Variants in NAV3 observed in about 807,000 individuals in gnomAD.
NAV3 encodes the protein neuron navigator 3.
Under a neutral mutation model 244.7 loss-of-function variants are expected in NAV3, and 87 were observed. The observed-to-expected ratio is 0.36, with a 90% CI of 0.30 to 0.42. NAV3 has a LOEUF of 0.42. NAV3 is among the 20% of genes least tolerant of loss of function. The pLI, the probability that NAV3 is intolerant of heterozygous loss-of-function variation, is 1.00. For missense variants in NAV3, 2,663 were observed against 2,893.3 expected (o/e 0.92, Z 1.83); for synonymous variants, 1,126 against 1,042.2 (o/e 1.08, Z -1.55).
chr12:78,055,007 G>A (rs1485635972), intron 11 of NAV3, among the ~76,000 whole-genome samples: 2 of 152,030 alleles, frequency 1.3e-5, no homozygotes, highest in South Asian at 2.1e-4. Flanking sequence ...GGAAAGAACA[G>A]GGATCATAAA....
At chr12:77,816,767 T>C (rs1162352621) in intron 2 of NAV3, among the ~76,000 whole-genome samples, 1 of 148,086 alleles carries the variant, frequency 6.8e-6, no homozygotes, top group Non-Finnish European at 1.5e-5. Context: ...AAAAATCGTA[T>C]ATCAATATGC....
intron 2 of NAV3, among the ~76,000 whole-genome samples, chr12:77,632,635 C>T (rs954818056): frequency 8.5e-5 from 13 of 152,092 alleles, no homozygotes; most frequent in African/African-American, 2.4e-4. Flanking sequence ...GGGACACAGC[C>T]AAACCATATC....
At chr12:78,066,887 C>A (rs1405515275) in intron 12 of NAV3, among the ~76,000 whole-genome samples, 1 of 151,940 alleles carries the variant, frequency 6.6e-6, no homozygotes. Context: ...TTGAAGCAGG[C>A]CTAAGTTCAA....
chr12:78,039,699 A>G (rs1056675313), intron 9 of NAV3, among the ~76,000 whole-genome samples: 1 of 152,174 alleles, frequency 6.6e-6, no homozygotes, highest in African/African-American at 2.4e-5. Flanking sequence ...CCTAAAAATT[A>G]AGAGCAAGAT....
chr12:77,776,291 C>A (rs1435513823), intron 2 of NAV3, among the ~76,000 whole-genome samples: 1 of 151,938 alleles, frequency 6.6e-6, no homozygotes, highest in African/African-American at 2.4e-5. Context: ...AAGACAAGAC[C>A]ATATAAGATA....
chr12:77,648,322 G>C (rs1451834182), intron 2 of NAV3, among the ~76,000 whole-genome samples: 1 of 151,986 alleles, frequency 6.6e-6, no homozygotes, highest in East Asian at 1.9e-4. Flanking sequence ...CACACACACA[G>C]AGACACCCTT....
At chr12:78,015,932 G>T (rs1298223683) in intron 8 of NAV3, among the ~76,000 whole-genome samples, 1 of 152,016 alleles carries the variant, frequency 6.6e-6, no homozygotes, top group Non-Finnish European at 1.5e-5. Flanking sequence ...TGGACAAATA[G>T]ATTTCTACTG....
intron 2 of NAV3, among the ~76,000 whole-genome samples, chr12:77,806,146 T>A (rs2135985340): frequency 6.6e-6 from 1 of 152,162 alleles, no homozygotes; most frequent in South Asian, 2.1e-4. Flanking sequence ...TTTTGAAGGG[T>A]TTTTGTGTCT....
intron 2 of NAV3, among the ~76,000 whole-genome samples, chr12:77,614,889 T>G (rs1196329457): frequency 6.6e-6 from 1 of 152,178 alleles, no homozygotes; most frequent in Non-Finnish European, 1.5e-5. Flanking sequence ...TCATCAAGGA[T>G]GTGCTCCTTC....
chr12:78,125,327 C>G (rs1256105620), intron 16 of NAV3, among the ~76,000 whole-genome samples: 1 of 152,088 alleles, frequency 6.6e-6, no homozygotes, highest in Non-Finnish European at 1.5e-5. Context: ...AAATCGGTAG[C>G]TTTTCCTATA....
At chr12:77,618,030 A>C (rs893200968) in intron 2 of NAV3, among the ~76,000 whole-genome samples, 1 of 152,138 alleles carries the variant, frequency 6.6e-6, no homozygotes, top group African/African-American at 2.4e-5. Context: ...GTGTGCAACA[A>C]GTTTGGTTTG....
At chr12:77,783,306 CTG>C (rs1412857456) in intron 2 of NAV3, 1 of 152,056 alleles carries the variant, frequency 6.6e-6, no homozygotes, top group East Asian at 1.9e-4. Context: ...GAGACCATGA[CTG>C]TGAAAGATGA....
intron 1 of NAV3, among the ~76,000 whole-genome samples, chr12:77,837,254 G>A (rs1272924866): frequency 1.3e-5 from 2 of 149,952 alleles, no homozygotes; most frequent in Non-Finnish European, 3.0e-5. Context: ...AACTTTAAAA[G>A]TTTACATAAC....
At chr12:78,185,051 G>A (rs1184811579) in intron 30 of NAV3, among the ~76,000 whole-genome samples, 1 of 151,764 alleles carries the variant, frequency 6.6e-6, no homozygotes, top group East Asian at 1.9e-4. Flanking sequence ...ATTCCGGAGA[G>A]CAATCATAAT....
chr12:77,949,112 T>C (rs1199659244), intron 3 of NAV3, among the ~76,000 whole-genome samples: 1 of 151,982 alleles, frequency 6.6e-6, no homozygotes, highest in African/African-American at 2.4e-5. Flanking sequence ...AAAAATCGTA[T>C]TTCACACCTG....
intron 2 of NAV3, among the ~76,000 whole-genome samples, chr12:77,667,717 G>A (rs1002067244): frequency 6.6e-6 from 1 of 151,978 alleles, no homozygotes; most frequent in African/African-American, 2.4e-5. Flanking sequence ...TAGCTCTATG[G>A]CCCTGTCCAC....
At chr12:77,785,527 C>A (rs1301019695) in intron 2 of NAV3, among the ~76,000 whole-genome samples, 1 of 152,026 alleles carries the variant, frequency 6.6e-6, no homozygotes, top group African/African-American at 2.4e-5. Context: ...AAAAAAGTAA[C>A]CTTCCAGGAG....
intron 22 of NAV3, among the ~76,000 whole-genome samples, chr12:78,157,963 AG>A (rs1373725133): frequency 6.6e-6 from 1 of 152,194 alleles, no homozygotes; most frequent in African/African-American, 2.4e-5. Context: ...ATTCAGAGCT[AG>A]GAACATGCAC....
intron 15 of NAV3, among the ~76,000 whole-genome samples, chr12:78,120,816 T>A (rs1195645313): frequency 6.6e-6 from 1 of 152,230 alleles, no homozygotes; most frequent in Non-Finnish European, 1.5e-5. Flanking sequence ...TTAATGTTTG[T>A]TTTTATTCTG....
Sources: allele counts gnomAD v4.1 joint callset (sites outside exome capture counted in the v4.1 genomes callset), GRCh38; gene constraint gnomAD v4.1.1; transcripts MANE v1.5; gene names NCBI Gene and HGNC (gene_info 2026-07-23, HGNC 2026-07-21).